SNRPE: variants seen among roughly 807,000 people sequenced by gnomAD.
The protein encoded by SNRPE is small nuclear ribonucleoprotein E.
For missense variants in SNRPE, 53 were observed against 111.6 expected (o/e 0.48, Z 2.36); for synonymous variants, 35 against 36.7 (o/e 0.95, Z 0.17).
intron 2 of SNRPE, among the ~76,000 whole-genome samples, chr1:203,862,798 T>G (rs539947310): frequency 1.1e-3 from 171 of 152,272 alleles, no homozygotes; most frequent in African/African-American, 3.7e-3. Flanking sequence ...CTTAACCACC[T>G]GAATTGAGGG....
rs775445653 is a variant in SNRPE, at chr1:203,861,628, G to A, written c.-32G>A. 26 of 1,589,234 alleles carry A rather than the reference G, an allele frequency of 1.6e-5. No homozygotes were observed. The Admixed American group carries it at 1.8e-4, about 11-fold the overall frequency. On this transcript the variant is annotated 5_prime_UTR_variant, in exon 1 of 5. Transcript: ENST00000414487. Reference sequence around the variant, plus strand: ...ATTCCGGAAGTTGCTCTCAGAGGCAGCGTGCGGGTGTGCTCTTTGTGAAAT... The same window carrying A: ...ATTCCGGAAGTTGCTCTCAGAGGCAACGTGCGGGTGTGCTCTTTGTGAAAT...
intron 1 of SNRPE, 25 bp downstream of exon 1, chr1:203,861,738 T>G (rs763881917): frequency 9.5e-6 from 15 of 1,580,078 alleles, no homozygotes; most frequent in African/African-American, 1.3e-5. Context: ...ATGTCAGGAC[T>G]AGGAGGTTCG....
Position 203,870,137 on chromosome 1 carries a change from A to G in SNRPE, c.*205A>G. ...TAGAAACTTTTTACACAGTAACACCATTCGTTGCTGGTATTTAGTTTTCTG... is the reference window on the plus strand; with the variant it reads ...TAGAAACTTTTTACACAGTAACACCGTTCGTTGCTGGTATTTAGTTTTCTG... On this transcript the variant is annotated 3_prime_UTR_variant, in exon 5 of 5. Transcript: ENST00000414487. The G allele has an allele frequency of 2.2e-6, 1 of 457,904 alleles. No individual in the cohort carries two copies. Among genetic ancestry groups the G allele is most frequent in the East Asian group, 3.7e-5 (1 of 27,340 alleles). The allele number at this position is 457,904 out of a possible 1,614,324, so 28.4% of individuals were successfully genotyped here.
intron 3 of SNRPE, 115 bp from the exon 4 acceptor site, chr1:203,864,926 C>A: frequency 4.4e-6 from 3 of 681,442 alleles, no homozygotes; most frequent in Non-Finnish European, 6.2e-6. Flanking sequence ...TGGGGTGGGG[C>A]TTGAGAAGAG....
rs748247808 is a variant in SNRPE at position 203,862,165 on chromosome 1, T to C, written c.55-31T>C. On this transcript the variant is annotated intron_variant, in intron 1 of 4. Coordinates refer to ENST00000414487, the MANE Select transcript of SNRPE (RefSeq NM_003094.4). ...TCAGGAAGCAGAGTCTATGCTGCTT[T>C]TGTATTTTTTCCTTAGCCACTGTGG... is the stretch of plus-strand genomic sequence containing the variant. 67 of 1,584,854 alleles carry C rather than the reference T, an allele frequency of 4.2e-5. 1 individual carries two copies. The South Asian group carries it at 7.2e-4, about 17-fold the overall frequency.
chr1:203,863,192 G>A (rs1017950586), intron 2 of SNRPE, among the ~76,000 whole-genome samples: 66 of 105,370 alleles, frequency 6.3e-4, no homozygotes, highest in African/African-American at 2.2e-3. Flanking sequence ...AATTTTTTGG[G>A]GGGCGGGGGG....
chr1:203,862,125 C>A, intron 1 of SNRPE, 71 bp from the exon 2 acceptor site: 2 of 1,185,320 alleles, frequency 1.7e-6, no homozygotes, highest in Non-Finnish European at 2.5e-6. Context: ...ACGGGAATAG[C>A]GTCGTCCGGT....
In SNRPE at chr1:203,862,033, T is replaced by A; in HGVS notation, c.55-163T>A. On this transcript the variant is annotated intron_variant, in intron 1 of 4. Coordinates refer to ENST00000414487, the MANE Select transcript of SNRPE (RefSeq NM_003094.4). ...AGTGGAATGGATGTTCTTTAGTCTT[T>A]AGAAGACCCGTAACGAATGCCCAGC... The A allele has an allele frequency of 1.2e-5, 8 of 648,546 alleles. No individual in the cohort carries two copies. The South Asian group carries it at 1.5e-4, about 12-fold the overall frequency. The allele number at this position is 648,546 out of a possible 1,614,324, so 40.2% of individuals were successfully genotyped here.
chr1:203,861,918 A>G, intron 1 of SNRPE: 1 of 618,686 alleles, frequency 1.6e-6, no homozygotes, highest in South Asian at 1.9e-5. Flanking sequence ...TGGGGAATGC[A>G]GGAATGGACG....
At chr1:203,865,198 A>G (rs1318486793) in intron 4 of SNRPE, 79 bp downstream of exon 4, 2 of 1,287,522 alleles carry the variant, frequency 1.6e-6, no homozygotes, top group East Asian at 2.4e-5. Context: ...AACTCAGTTC[A>G]TGTTTGAATT....
At position 203,864,614 on chromosome 1, in the gene SNRPE, C is replaced by T. The variant is rs147665087; in HGVS notation, c.145-427C>T. Among the ~76,000 whole-genome samples, 160 of 152,168 alleles carry T rather than the reference C, an allele frequency of 1.1e-3. 4 individuals are homozygous for T. In the East Asian group the frequency reaches 0.019, roughly 18 times the overall value. ...ATATTTTGCTGGGCAAGGTGGCTCA[C>T]GCCTGTAATCCTAGCACTTAGGGAG... is the stretch of plus-strand genomic sequence containing the variant. On this transcript the variant is annotated intron_variant, in intron 3 of 4. Transcript: ENST00000414487.
In SNRPE at chr1:203,871,031, T is replaced by G. The variant is rs1690205058; in HGVS notation, c.*1099T>G. Among the ~76,000 whole-genome samples, 1 of 152,188 alleles carries G rather than the reference T, an allele frequency of 6.6e-6. No individual in the cohort carries two copies. The highest frequency in any genetic ancestry group is 1.5e-5 in the Non-Finnish European group (1 of 68,036). On this transcript the variant is annotated 3_prime_UTR_variant, in exon 5 of 5. Coordinates refer to ENST00000414487, the MANE Select transcript of SNRPE (RefSeq NM_003094.4). ...GAAATCCTTTCCGAGATAGAGGAGA[T>G]TTGTAGGTGAATGCAGAAGTGTATC... is the stretch of plus-strand genomic sequence containing the variant.
At position 203,863,651 on chromosome 1, in the gene SNRPE, T is replaced by C. The variant is rs749988204; in HGVS notation, c.82-12T>C. The C allele has an allele frequency of 5.0e-6, 8 of 1,606,346 alleles. No homozygotes were observed. Among genetic ancestry groups the C allele is most frequent in the South Asian group, 2.2e-5 (2 of 90,884 alleles). On this transcript the variant is annotated splice_polypyrimidine_tract_variant and intron_variant, in intron 2 of 4. Coordinates refer to ENST00000414487, the MANE Select transcript of SNRPE (RefSeq NM_003094.4). Reference sequence around the variant, plus strand: ...TCTTTTTTTAACGTTTCCACTTTTATGATTATTTCAGAGATCGCGGATTCA... The same window carrying C: ...TCTTTTTTTAACGTTTCCACTTTTACGATTATTTCAGAGATCGCGGATTCA...
At chr1:203,862,931 T>C (rs1026649993) in intron 2 of SNRPE, among the ~76,000 whole-genome samples, 3 of 152,152 alleles carry the variant, frequency 2.0e-5, no homozygotes, top group Non-Finnish European at 4.4e-5. Flanking sequence ...TCAAAAACTT[T>C]CACTCTTAAT....
intron 3 of SNRPE, 103 bp downstream of exon 3, chr1:203,863,828 C>A (rs942033844): frequency 5.2e-6 from 4 of 772,636 alleles, no homozygotes; most frequent in African/African-American, 1.8e-5. Context: ...AAGATCCAAC[C>A]TAAGGAAAGT....
intron 4 of SNRPE, among the ~76,000 whole-genome samples, chr1:203,869,651 A>G (rs1690174390): frequency 6.6e-6 from 1 of 152,212 alleles, no homozygotes; most frequent in African/African-American, 2.4e-5. Context: ...GTCCATAGAA[A>G]TGATATTTGT....
chr1:203,863,794 G>A (rs1690029316), intron 3 of SNRPE, 69 bp downstream of exon 3: 1 of 1,067,774 alleles, frequency 9.4e-7, no homozygotes, highest in Non-Finnish European at 1.4e-6. Flanking sequence ...AAAGTGTCTA[G>A]CCAGAACAGT....
chr1:203,861,817 C>G (rs1689983180), intron 1 of SNRPE, 104 bp downstream of exon 1: 1 of 863,416 alleles, frequency 1.2e-6, no homozygotes, highest in African/African-American at 1.6e-5. Context: ...GGATCCACAT[C>G]CCATGAGCCC....
chr1:203,865,151 G>T lies in SNRPE; in HGVS notation c.223+32G>T, dbSNP rs765934168. ...ATAGAAGTGGTCTTACAGAATTCTA[G>T]AAATATTTTATTCACTTGCAGAATT... is the stretch of plus-strand genomic sequence containing the variant. On this transcript the variant is annotated intron_variant, in intron 4 of 4. Coordinates refer to ENST00000414487, the MANE Select transcript of SNRPE (RefSeq NM_003094.4). The T allele has an allele frequency of 3.8e-6, 6 of 1,567,540 alleles. No individual in the cohort carries two copies. In the East Asian group the frequency reaches 1.1e-4, roughly 29 times the overall value.
Sources: allele counts gnomAD v4.1 joint callset (sites outside exome capture counted in the v4.1 genomes callset), GRCh38; gene constraint gnomAD v4.1.1; transcripts MANE v1.5; gene names NCBI Gene and HGNC (gene_info 2026-07-23, HGNC 2026-07-21).